CHL1: variants seen among roughly 807,000 people sequenced by gnomAD.
CHL1 encodes neural cell adhesion molecule L1-like protein.
CHL1 carries 96 observed loss-of-function variants against 141.9 expected under a neutral mutation model. That is an observed-to-expected ratio of 0.68 (90% CI 0.57 to 0.80). CHL1 has a LOEUF of 0.80. CHL1 is among the 30% of genes least tolerant of loss of function. The pLI is 0.00. For missense variants in CHL1, 1,820 were observed against 1,457.2 expected, an observed-to-expected ratio of 1.25 and a Z score of -4.05; for synonymous variants, 613 against 502.2, an observed-to-expected ratio of 1.22 and a Z score of -2.95.
At chr3:300,166 A>G (rs1698597349) in intron 2 of CHL1, among the ~76,000 whole-genome samples, 2 of 152,234 alleles carry the variant, frequency 1.3e-5, no homozygotes, top group South Asian at 4.1e-4. Flanking sequence ...GATTGAAACT[A>G]AAACTAATAA....
chr3:394,853 C>T lies in CHL1; in HGVS notation c.3075C>T (p.Ser1025=), dbSNP rs1275234881. 1 of 1,612,440 alleles carries T rather than the reference C, an allele frequency of 6.2e-7. No homozygotes were observed. ...GTGGAAAACCGATCACGGAGGAAAG[C>T]TCCACCTTAGGAGAAGGGAGTAAGT... ...QGCGKPITEE[S]STLGEGSKGI... Residue 1025 remains serine, a synonymous_variant, in exon 24 of 28, where the codon AGC becomes AGT. Transcript: ENST00000256509.
In CHL1 at chr3:260,836, G is replaced by A. The variant is rs541923885; in HGVS notation, c.-95+16144G>A. Among the ~76,000 whole-genome samples the A allele has an allele frequency of 3.9e-5, 6 of 152,300 alleles. No homozygotes were observed. In the South Asian group the frequency reaches 1.2e-3, roughly 32 times the overall value. On this transcript the variant is annotated intron_variant, in intron 2 of 27. Transcript: ENST00000256509. ...ATAAGAAACAAATAAGATTAAGGAA[G>A]CCAAATGGTTTTTAAATGAGATTAT...
At chr3:389,114 C>G (rs1708017635) in intron 19 of CHL1, 138 bp from the exon 20 acceptor site, 1 of 722,330 alleles carries the variant, frequency 1.4e-6, no homozygotes, top group Non-Finnish European at 2.3e-6. Flanking sequence ...TGTCTCTAAA[C>G]CAAGAAGGGG....
At chr3:320,504 C>T (rs1327522247) in intron 3 of CHL1, among the ~76,000 whole-genome samples, 1 of 151,470 alleles carries the variant, frequency 6.6e-6, no homozygotes, top group Non-Finnish European at 1.5e-5. Flanking sequence ...TTGAACGAAC[C>T]ATGGTAATTA....
intron 2 of CHL1, among the ~76,000 whole-genome samples, chr3:294,098 C>A (rs950359177): frequency 3.9e-5 from 6 of 151,920 alleles, no homozygotes; most frequent in South Asian, 2.1e-4. Context: ...GCAGGCAGAT[C>A]GGTTGAGCCT....
At chr3:356,801 C>A (rs1311492095) in intron 11 of CHL1, among the ~76,000 whole-genome samples, 1 of 152,110 alleles carries the variant, frequency 6.6e-6, no homozygotes, top group Non-Finnish European at 1.5e-5. Flanking sequence ...GATCCGCCAG[C>A]AGGGGAAGGG....
At chr3:371,351 A>C (rs949552854) in intron 15 of CHL1, among the ~76,000 whole-genome samples, 1 of 151,950 alleles carries the variant, frequency 6.6e-6, no homozygotes. Flanking sequence ...TCCCTTTACC[A>C]CTATGTAATG....
intron 26 of CHL1, 61 bp from the exon 27 acceptor site, chr3:401,565 T>C (rs1709138656): frequency 1.0e-6 from 1 of 957,836 alleles, no homozygotes; most frequent in Non-Finnish European, 1.6e-6. Flanking sequence ...TCCACAGCAC[T>C]GGTAAAATGT....
At chr3:361,533 A>G (rs1704251024) in intron 12 of CHL1, among the ~76,000 whole-genome samples, 166 bp from the exon 13 acceptor site, 1 of 152,244 alleles carries the variant, frequency 6.6e-6, no homozygotes, top group South Asian at 2.1e-4. Context: ...AAGAAATTGT[A>G]CTTTCAAAAA....
At chr3:220,937 C>T (rs1324240869) in intron 1 of CHL1, among the ~76,000 whole-genome samples, 1 of 152,178 alleles carries the variant, frequency 6.6e-6, no homozygotes, top group Non-Finnish European at 1.5e-5. Context: ...AAGCCTACTA[C>T]CTGGAGGCCT....
intron 11 of CHL1, among the ~76,000 whole-genome samples, chr3:359,956 C>T (rs566560335): frequency 3.3e-5 from 5 of 152,252 alleles, no homozygotes; most frequent in African/African-American, 1.2e-4. Context: ...AGAAGAGTAA[C>T]AGAGTGTCAC....
intron 1 of CHL1, among the ~76,000 whole-genome samples, chr3:243,897 T>A (rs3915678): frequency 0.25 from 38,576 of 152,162 alleles, 5,017 homozygotes; most frequent in Middle Eastern, 0.34. Flanking sequence ...ATCGTTCTGA[T>A]GCCTAATAGA....
intron 2 of CHL1, among the ~76,000 whole-genome samples, chr3:300,184 T>G (rs1399138153): frequency 6.6e-6 from 1 of 152,226 alleles, no homozygotes; most frequent in Non-Finnish European, 1.5e-5. Flanking sequence ...TAAGACTTGC[T>G]GTGACCATTG....
intron 26 of CHL1, among the ~76,000 whole-genome samples, chr3:399,565 G>A (rs546692882): frequency 1.3e-5 from 2 of 152,056 alleles, no homozygotes; most frequent in Non-Finnish European, 2.9e-5. Flanking sequence ...ACTTGAACCC[G>A]GGAGGTGGAG....
At chr3:244,100 G>A (rs17012651) in intron 1 of CHL1, among the ~76,000 whole-genome samples, 6,872 of 147,352 alleles carry the variant, frequency 0.047, 338 homozygotes, top group East Asian at 0.29. Flanking sequence ...AAACCATGGT[G>A]AGAGATGACC....
intron 5 of CHL1, among the ~76,000 whole-genome samples, chr3:335,215 C>A (rs1701768985): frequency 6.6e-6 from 1 of 152,146 alleles, no homozygotes; most frequent in Non-Finnish European, 1.5e-5. Context: ...AAGTGCAAAT[C>A]AACAAAAACA....
intron 2 of CHL1, among the ~76,000 whole-genome samples, chr3:281,166 A>T (rs976421234): frequency 1.6e-4 from 24 of 152,182 alleles, no homozygotes; most frequent in African/African-American, 5.3e-4. Context: ...GGAATTATTC[A>T]GTTGGAAATT....
rs1488878838 is a variant in CHL1, at chr3:197,051, G to C, written c.-187G>C. The C allele has an allele frequency of 6.6e-6, 1 of 152,296 alleles. No homozygotes were observed. Among genetic ancestry groups the C allele is most frequent in the African/African-American group, 2.4e-5 (1 of 41,438 alleles). 9.4% of individuals were successfully genotyped at this position (152,296 alleles called of 1,614,324 possible). A position where few individuals can be genotyped will look rare whatever the true frequency, so the allele number is the denominator to read the frequency against. ...GGAGGCGCCGGACAGATCGCGTTTC[G>C]GAGGCGGCGCAGGTGTGTCAGGGGT... On this transcript the variant is annotated 5_prime_UTR_variant, in exon 1 of 28. Coordinates refer to ENST00000256509, the MANE Select transcript of CHL1 (RefSeq NM_006614.4).
At chr3:241,429 C>T (rs1692547344) in intron 1 of CHL1, among the ~76,000 whole-genome samples, 1 of 152,178 alleles carries the variant, frequency 6.6e-6, no homozygotes, top group African/African-American at 2.4e-5. Context: ...TGCTCATATT[C>T]AGAAAACAAG....
Sources: allele counts gnomAD v4.1 joint callset (sites outside exome capture counted in the v4.1 genomes callset), GRCh38; gene constraint gnomAD v4.1.1; transcripts MANE v1.5; gene names NCBI Gene and HGNC (gene_info 2026-07-23, HGNC 2026-07-21).